Variants in FGGY observed in about 807,000 individuals in gnomAD.
FGGY encodes FGGY carbohydrate kinase domain-containing protein.
In FGGY, 72 loss-of-function variants were observed where a neutral mutation model predicts 71.3. That is an observed-to-expected ratio of 1.01 (90% CI 0.84 to 1.23). The LOEUF (loss-of-function observed/expected upper bound fraction) is 1.23. FGGY is among the 50% of genes most tolerant of loss of function. FGGY has a pLI of 0.00. For missense variants in FGGY, 668 were observed against 682.3 expected, an observed-to-expected ratio of 0.98 and a Z score of 0.23; for synonymous variants, 251 against 250.3, an observed-to-expected ratio of 1.00 and a Z score of -0.02.
chr1:59,699,199 G>T (rs763841471), intron 14 of FGGY: 1 of 985,174 alleles, frequency 1.0e-6, no homozygotes, highest in Non-Finnish European at 1.2e-6. Context: ...AATGTTAGGA[G>T]AAAGAACAGT....
chr1:59,695,397 G>A (rs1354710318), intron 14 of FGGY, among the ~76,000 whole-genome samples: 2 of 152,152 alleles, frequency 1.3e-5, no homozygotes, highest in Non-Finnish European at 2.9e-5. Context: ...TACAGCTGTA[G>A]GACACATAGG....
intron 7 of FGGY, among the ~76,000 whole-genome samples, chr1:59,540,393 A>T (rs2095421766): frequency 1.3e-5 from 2 of 152,248 alleles, no homozygotes; most frequent in African/African-American, 4.8e-5. Flanking sequence ...AAAGGATTTT[A>T]TGGCAACAAA....
intron 14 of FGGY, among the ~76,000 whole-genome samples, chr1:59,741,685 GAC>G (rs532824185): frequency 5.7e-4 from 86 of 152,100 alleles, no homozygotes; most frequent in African/African-American, 2.0e-3. Context: ...CGCGGTGGCT[GAC>G]ACACTTTGGG....
chr1:59,471,607 G>A (rs2092944394), intron 6 of FGGY, among the ~76,000 whole-genome samples: 2 of 152,210 alleles, frequency 1.3e-5, no homozygotes, highest in Admixed American at 6.5e-5. Flanking sequence ...TCGAATTTCT[G>A]CCTGATAAAG....
chr1:59,376,293 A>G (rs1049627738), intron 4 of FGGY, among the ~76,000 whole-genome samples: 4 of 152,182 alleles, frequency 2.6e-5, no homozygotes, highest in African/African-American at 9.6e-5. Flanking sequence ...TTCTAGACAC[A>G]AGCTTTCACC....
chr1:59,532,278 A>G (rs1036439211), intron 7 of FGGY, among the ~76,000 whole-genome samples: 6 of 152,222 alleles, frequency 3.9e-5, no homozygotes, highest in African/African-American at 1.4e-4. Flanking sequence ...GAACTGAAAC[A>G]TAGATCTGAA....
At chr1:59,631,276 C>G (rs984910810) in intron 10 of FGGY, among the ~76,000 whole-genome samples, 2 of 152,208 alleles carry the variant, frequency 1.3e-5, no homozygotes, top group African/African-American at 4.8e-5. Flanking sequence ...GCCCTCTTCT[C>G]TCTTTGCCAT....
chr1:59,605,892 T>A (rs1014512759), intron 8 of FGGY, among the ~76,000 whole-genome samples: 1 of 152,148 alleles, frequency 6.6e-6, no homozygotes, highest in Non-Finnish European at 1.5e-5. Context: ...TATAAATGAA[T>A]AGATTTTCTG....
intron 14 of FGGY, among the ~76,000 whole-genome samples, chr1:59,735,843 C>A (rs2101072628): frequency 1.3e-5 from 2 of 152,268 alleles, no homozygotes; most frequent in South Asian, 4.1e-4. Flanking sequence ...AGATGGAACT[C>A]CTTTCTTAGA....
chr1:59,339,875 ATTCC>A, intron 2 of FGGY, 79 bp from the exon 3 acceptor site: 2 of 764,926 alleles, frequency 2.6e-6, no homozygotes, highest in Non-Finnish European at 4.3e-6. Flanking sequence ...CTATTCTGTC[ATTCC>A]TTCCTTCTAG....
chr1:59,460,476 C>T (rs979265293), intron 6 of FGGY, among the ~76,000 whole-genome samples: 18 of 152,190 alleles, frequency 1.2e-4, no homozygotes, highest in African/African-American at 4.1e-4. Flanking sequence ...GGGGGCACGG[C>T]GTAGCTGAAC....
At chr1:59,687,621 C>T (rs1312152592) in intron 14 of FGGY, among the ~76,000 whole-genome samples, 1 of 151,172 alleles carries the variant, frequency 6.6e-6, no homozygotes, top group Admixed American at 6.6e-5. Flanking sequence ...TACCCACCAC[C>T]ACACCTGGCT....
chr1:59,716,377 T>G (rs1239354500), intron 14 of FGGY, among the ~76,000 whole-genome samples: 1 of 152,176 alleles, frequency 6.6e-6, no homozygotes, highest in Non-Finnish European at 1.5e-5. Context: ...TCTGGCCAAT[T>G]CTATGCCCAT....
At chr1:59,667,753 A>G (rs2097338483) in intron 13 of FGGY, among the ~76,000 whole-genome samples, 1 of 152,210 alleles carries the variant, frequency 6.6e-6, no homozygotes, top group Non-Finnish European at 1.5e-5. Context: ...TGAATAGGAC[A>G]TGATCCTTGC....
At chr1:59,385,391 AG>A (rs35140962) in intron 5 of FGGY, among the ~76,000 whole-genome samples, 29,290 of 152,048 alleles carry the variant, frequency 0.19, 3,048 homozygotes, top group East Asian at 0.36. Flanking sequence ...TCACTTATTG[AG>A]TGCCTTTCCT....
Position 59,638,471 on chromosome 1 carries a change from TAAAAC to T in FGGY, c.1221+98_1221+102del, listed in dbSNP as rs1256794361. The T allele has an allele frequency of 4.1e-6, 6 of 1,460,704 alleles. No individual in the cohort carries two copies. In the East Asian group the frequency reaches 1.1e-4, roughly 28 times the overall value. 90.5% of individuals were successfully genotyped at this position (1,460,704 alleles called of 1,614,324 possible). On this transcript the variant is annotated intron_variant, in intron 11 of 15. Coordinates refer to ENST00000303721, the MANE Select transcript of FGGY (RefSeq NM_018291.5). ...GTGAGGAAAAAGGAAAAGAAAAAAA[TAAAAC>T]AGGCCAACAGCCCTCTGGCTTTGTG...
chr1:59,690,332 A>T (rs2097578903), intron 14 of FGGY, among the ~76,000 whole-genome samples: 2 of 152,162 alleles, frequency 1.3e-5, no homozygotes, highest in Admixed American at 1.3e-4. Flanking sequence ...AGATCCTGAT[A>T]TTAGTTGTAC....
At chr1:59,590,844 C>T (rs2096418982) in intron 8 of FGGY, among the ~76,000 whole-genome samples, 1 of 152,072 alleles carries the variant, frequency 6.6e-6, no homozygotes, top group Non-Finnish European at 1.5e-5. Flanking sequence ...ACTGAATGGG[C>T]AAAAACTGGA....
At chr1:59,304,076 A>G (rs950657024) in intron 1 of FGGY, among the ~76,000 whole-genome samples, 4 of 152,086 alleles carry the variant, frequency 2.6e-5, no homozygotes, top group African/African-American at 4.8e-5. Context: ...TGCTGTGCAG[A>G]AACTTTGATG....
Sources: gnomAD v4.1 joint callset for allele counts (sites outside exome capture counted in the v4.1 genomes callset) on GRCh38, gnomAD v4.1.1 for gene constraint, MANE v1.5 for transcripts, NCBI Gene and HGNC (gene_info 2026-07-23, HGNC 2026-07-21) for gene names.